Variants in PDE4D observed in about 807,000 individuals in gnomAD.
PDE4D encodes 3',5'-cyclic-AMP phosphodiesterase 4D.
A neutral mutation model predicts 87.4 loss-of-function variants in PDE4D; 24 were observed. That is an observed-to-expected ratio of 0.27 (90% CI 0.20 to 0.39). PDE4D has a LOEUF of 0.39. Among genes scored for constraint, PDE4D ranks in the 10% least tolerant of loss-of-function variants. PDE4D has a pLI of 1.00. For missense variants in PDE4D, 714 were observed against 1,041.0 expected, an observed-to-expected ratio of 0.69 and a Z score of 4.32; for synonymous variants, 384 against 383.2, an observed-to-expected ratio of 1.00 and a Z score of -0.02.
chr5:60,267,762 CA>C (rs1363182441), intron 1 of PDE4D, among the ~76,000 whole-genome samples: 1 of 151,874 alleles, frequency 6.6e-6, no homozygotes, highest in Non-Finnish European at 1.5e-5. Flanking sequence ...TAACAACTTG[CA>C]AAAAAAGTAT....
At chr5:59,232,230 A>G (rs974251670) in intron 1 of PDE4D, among the ~76,000 whole-genome samples, 1 of 152,196 alleles carries the variant, frequency 6.6e-6, no homozygotes, top group East Asian at 1.9e-4. Context: ...GAGTGAAAAG[A>G]CAACATGTTA....
At chr5:60,105,906 C>A (rs185342741) in intron 2 of PDE4D, among the ~76,000 whole-genome samples, 196 of 152,198 alleles carry the variant, frequency 1.3e-3, no homozygotes, top group African/African-American at 4.5e-3. Context: ...CAAAAACATG[C>A]CAAATTGTAA....
intron 2 of PDE4D, among the ~76,000 whole-genome samples, chr5:60,093,841 G>T (rs1249336636): frequency 1.3e-5 from 2 of 152,022 alleles, no homozygotes; most frequent in Non-Finnish European, 2.9e-5. Context: ...TAGTTCTGCA[G>T]ATATAAATAT....
chr5:59,199,885 C>T (rs1015570194), intron 2 of PDE4D, among the ~76,000 whole-genome samples: 7 of 151,530 alleles, frequency 4.6e-5, no homozygotes, highest in African/African-American at 7.3e-5. Context: ...CATCTATATA[C>T]ACATGTACAT....
intron 1 of PDE4D, among the ~76,000 whole-genome samples, chr5:59,271,673 A>T (rs1763869425): frequency 6.6e-6 from 1 of 152,142 alleles, no homozygotes; most frequent in South Asian, 2.1e-4. Context: ...AAGAAAATTC[A>T]GAAAATTGTA....
chr5:59,742,533 T>C (rs933165581), intron 1 of PDE4D, among the ~76,000 whole-genome samples: 1 of 152,214 alleles, frequency 6.6e-6, no homozygotes, highest in Admixed American at 6.5e-5. Context: ...ATATCCAAAA[T>C]ATAGTAAACC....
chr5:59,427,140 T>C (rs968363248), intron 1 of PDE4D, among the ~76,000 whole-genome samples: 3 of 151,658 alleles, frequency 2.0e-5, no homozygotes, highest in African/African-American at 7.3e-5. Context: ...AAATGCATGA[T>C]CCCCAACCAC....
In PDE4D at chr5:60,099,530, T is replaced by A. The variant is rs2149328071; in HGVS notation, c.42+86027A>T. Reference sequence around the variant, plus strand: ...AGATCATAAACAAAGTACAAACTTCTCTACTTTGTAAAGATTTGACAGAAA... The same window carrying A: ...AGATCATAAACAAAGTACAAACTTCACTACTTTGTAAAGATTTGACAGAAA... On this transcript the variant is annotated intron_variant, in intron 2 of 16. Transcript: ENST00000502484. Among the ~76,000 whole-genome samples the A allele has an allele frequency of 2.6e-5, 4 of 152,060 alleles. No homozygotes were observed. The South Asian group carries it at 8.3e-4, about 32-fold the overall frequency.
chr5:60,253,045 C>T (rs982260179), intron 1 of PDE4D, among the ~76,000 whole-genome samples: 16 of 151,808 alleles, frequency 1.1e-4, no homozygotes, highest in Non-Finnish European at 1.8e-4. Flanking sequence ...TTACCAGCAA[C>T]GGTCACTATT....
chr5:59,352,017 C>G (rs1780606009), intron 1 of PDE4D, among the ~76,000 whole-genome samples: 1 of 152,086 alleles, frequency 6.6e-6, no homozygotes, highest in South Asian at 2.1e-4. Context: ...GAATTCACAC[C>G]TGTGCAGGTT....
intron 2 of PDE4D, among the ~76,000 whole-genome samples, chr5:60,107,709 C>A (rs561730711): frequency 1.3e-5 from 2 of 152,234 alleles, no homozygotes; most frequent in South Asian, 4.1e-4. Flanking sequence ...TCAATATACA[C>A]AAATCAATAA....
chr5:60,210,411 A>G (rs1743060013), intron 1 of PDE4D, among the ~76,000 whole-genome samples: 1 of 152,160 alleles, frequency 6.6e-6, no homozygotes, highest in Non-Finnish European at 1.5e-5. Flanking sequence ...GCCTCATTAA[A>G]TTATAAAATC....
At chr5:59,258,031 T>C (rs1246547701) in intron 1 of PDE4D, among the ~76,000 whole-genome samples, 1 of 151,982 alleles carries the variant, frequency 6.6e-6, no homozygotes, top group Admixed American at 6.6e-5. Flanking sequence ...AATCTATACA[T>C]GAGTGCCATA....
intron 1 of PDE4D, among the ~76,000 whole-genome samples, chr5:59,701,074 A>C (rs1324423394): frequency 2.0e-5 from 3 of 152,150 alleles, no homozygotes; most frequent in Admixed American, 1.3e-4. Flanking sequence ...CTCCAGGCTC[A>C]TGTCTTGTCA....
In PDE4D at chr5:60,322,394, ACACACACACACAC is replaced by A. The variant is rs1441216825; in HGVS notation, c.-89-136720_-89-136708del. 1.4e-3 allele frequency among the ~76,000 whole-genome samples: 207 copies of A among 151,282 alleles called. 2 individuals are homozygous for A. Among genetic ancestry groups the A allele is most frequent in the Admixed American group, 0.013 (199 of 15,130 alleles). On this transcript the variant is annotated intron_variant, in intron 1 of 16. Transcript: ENST00000502484. ...CACACACACACACACACACACACAC[ACACACACACACAC>A]ACACACACAAAACCCTAACATATTT...
At chr5:60,305,765 G>T (rs1754442909) in intron 1 of PDE4D, among the ~76,000 whole-genome samples, 1 of 149,392 alleles carries the variant, frequency 6.7e-6, no homozygotes, top group Non-Finnish European at 1.5e-5. Context: ...AAATGTTGTA[G>T]CCCATAAGAC....
At chr5:59,851,543 A>C (rs2152718713) in intron 1 of PDE4D, among the ~76,000 whole-genome samples, 1 of 152,138 alleles carries the variant, frequency 6.6e-6, no homozygotes, top group South Asian at 2.1e-4. Context: ...ATCTGTGAAT[A>C]CTACGAGATA....
chr5:60,192,522 C>T (rs1485369004), intron 1 of PDE4D, among the ~76,000 whole-genome samples: 2 of 151,974 alleles, frequency 1.3e-5, no homozygotes, highest in African/African-American at 4.8e-5. Flanking sequence ...ATTTAGATGT[C>T]AAATAGTAAA....
At chr5:60,508,047 C>T (rs1408410205) in intron 1 of PDE4D, among the ~76,000 whole-genome samples, 3 of 152,226 alleles carry the variant, frequency 2.0e-5, no homozygotes, top group South Asian at 2.1e-4. Flanking sequence ...TCTAGCTCTA[C>T]ATCTAAACAT....
Sources: gnomAD v4.1 joint callset for allele counts (sites outside exome capture counted in the v4.1 genomes callset) on GRCh38, gnomAD v4.1.1 for gene constraint, MANE v1.5 for transcripts, NCBI Gene and HGNC (gene_info 2026-07-23, HGNC 2026-07-21) for gene names.